The following KSR2 variants were observed in gnomAD, a reference collection of about 807,000 sequenced individuals.
KSR2 encodes kinase suppressor of ras 2.
KSR2 carries 25 observed loss-of-function variants against 107.8 expected under a neutral mutation model. The observed-to-expected ratio is 0.23, with a 90% confidence interval of 0.17 to 0.32. KSR2 has a LOEUF of 0.32. KSR2 is among the 10% of genes least tolerant of loss of function. The pLI is 1.00. For missense variants in KSR2, 887 were observed against 1,268.9 expected (o/e 0.70, Z 4.57); for synonymous variants, 480 against 507.0 (o/e 0.95, Z 0.71).
At chr12:117,474,448 G>C (rs1157363733) in intron 17 of KSR2, among the ~76,000 whole-genome samples, 2 of 151,880 alleles carry the variant, frequency 1.3e-5, no homozygotes, top group Non-Finnish European at 2.9e-5. Context: ...GGATGCGGTG[G>C]GGGCCCTTTT....
At chr12:117,929,921 T>C (rs1003780738) in intron 1 of KSR2, among the ~76,000 whole-genome samples, 5 of 152,214 alleles carry the variant, frequency 3.3e-5, no homozygotes, top group African/African-American at 1.2e-4. Flanking sequence ...TGAAAAACTT[T>C]TGGTGATGAT....
intron 1 of KSR2, among the ~76,000 whole-genome samples, chr12:117,926,770 G>T (rs1021670179): frequency 6.6e-6 from 1 of 152,186 alleles, no homozygotes; most frequent in African/African-American, 2.4e-5. Flanking sequence ...GGGTGGCCTT[G>T]CTAGACCGCC....
intron 4 of KSR2, among the ~76,000 whole-genome samples, chr12:117,708,404 C>T (rs1174082407): frequency 2.0e-5 from 3 of 152,112 alleles, no homozygotes; most frequent in Admixed American, 1.3e-4. Flanking sequence ...GGACCTGCCT[C>T]GGTTAATGAG....
At chr12:117,877,047 A>G (rs1385893341) in intron 1 of KSR2, among the ~76,000 whole-genome samples, 1 of 152,126 alleles carries the variant, frequency 6.6e-6, no homozygotes, top group African/African-American at 2.4e-5. Context: ...TATGTGTGGA[A>G]TTTTCCACTT....
intron 5 of KSR2, among the ~76,000 whole-genome samples, chr12:117,616,963 C>T (rs1474231803): frequency 6.6e-6 from 1 of 152,086 alleles, no homozygotes; most frequent in Non-Finnish European, 1.5e-5. Flanking sequence ...AGCTAGGAGC[C>T]CTGCATTAAC....
intron 5 of KSR2, among the ~76,000 whole-genome samples, chr12:117,602,013 GC>G (rs2136293268): frequency 6.6e-6 from 1 of 152,328 alleles, no homozygotes; most frequent in East Asian, 1.9e-4. Context: ...CATGCAAGCA[GC>G]CATAGGCGGT....
intron 4 of KSR2, among the ~76,000 whole-genome samples, chr12:117,705,438 A>G (rs1886485081): frequency 6.6e-6 from 1 of 152,140 alleles, no homozygotes; most frequent in South Asian, 2.1e-4. Context: ...GTTCAGAGAC[A>G]CCCTTTCCTC....
At chr12:117,672,966 G>C (rs980252103) in intron 4 of KSR2, among the ~76,000 whole-genome samples, 2 of 152,202 alleles carry the variant, frequency 1.3e-5, no homozygotes, top group African/African-American at 2.4e-5. Flanking sequence ...GGCCCTTAGT[G>C]AGTGAAGAGG....
At chr12:117,625,528 C>A (rs1032353748) in intron 5 of KSR2, among the ~76,000 whole-genome samples, 4 of 152,180 alleles carry the variant, frequency 2.6e-5, no homozygotes, top group African/African-American at 9.7e-5. Flanking sequence ...TATGTTGAAC[C>A]AGCCTCACAT....
chr12:117,673,146 A>G (rs548647775), intron 4 of KSR2, among the ~76,000 whole-genome samples: 2 of 152,328 alleles, frequency 1.3e-5, no homozygotes, highest in South Asian at 2.1e-4. Context: ...AATCTGTTTT[A>G]CCAACCATGG....
At chr12:117,471,441 T>C (rs1871452762) in intron 17 of KSR2, 121 bp from the exon 18 acceptor site, 3 of 1,069,816 alleles carry the variant, frequency 2.8e-6, no homozygotes, top group Non-Finnish European at 4.0e-6. Flanking sequence ...CCCCACTTTC[T>C]TCCTCATGGG....
intron 17 of KSR2, among the ~76,000 whole-genome samples, chr12:117,475,303 C>T (rs1169758693): frequency 6.6e-6 from 1 of 151,896 alleles, no homozygotes; most frequent in East Asian, 1.9e-4. Flanking sequence ...ATTGACCGTG[C>T]TTCCCTCTCT....
At chr12:117,601,267 G>C (rs1411109663) in intron 5 of KSR2, among the ~76,000 whole-genome samples, 2 of 141,218 alleles carry the variant, frequency 1.4e-5, no homozygotes, top group African/African-American at 2.8e-5. Context: ...TAAATTGTCT[G>C]TGCTTACTTG....
intron 3 of KSR2, among the ~76,000 whole-genome samples, chr12:117,839,634 A>G (rs1370912086): frequency 6.6e-6 from 1 of 152,244 alleles, no homozygotes; most frequent in Non-Finnish European, 1.5e-5. Flanking sequence ...CAAAGCAACT[A>G]CAAGATAACT....
intron 3 of KSR2, among the ~76,000 whole-genome samples, chr12:117,806,398 A>T (rs1891008018): frequency 2.6e-5 from 4 of 152,208 alleles, no homozygotes; most frequent in Admixed American, 2.6e-4. Flanking sequence ...TGCAACCAGG[A>T]GCGAGACTCA....
At chr12:117,837,688 G>A (rs1007550688) in intron 3 of KSR2, among the ~76,000 whole-genome samples, 1 of 152,126 alleles carries the variant, frequency 6.6e-6, no homozygotes, top group African/African-American at 2.4e-5. Context: ...CCTGGTATCC[G>A]GTTACAAAGC....
At chr12:117,635,744 A>G (rs1883036068) in intron 5 of KSR2, among the ~76,000 whole-genome samples, 1 of 152,176 alleles carries the variant, frequency 6.6e-6, no homozygotes, top group Non-Finnish European at 1.5e-5. Flanking sequence ...GTAACCTCTT[A>G]CATAACCACA....
At chr12:117,579,248 C>A (rs545617674) in intron 6 of KSR2, 46 bp from the exon 7 acceptor site, 17 of 1,342,828 alleles carry the variant, frequency 1.3e-5, no homozygotes, top group African/African-American at 2.9e-5. Flanking sequence ...GAAATGGCGA[C>A]TGACCTATCT....
intron 4 of KSR2, among the ~76,000 whole-genome samples, chr12:117,727,519 G>A (rs1887481677): frequency 1.3e-5 from 2 of 151,864 alleles, no homozygotes; most frequent in South Asian, 4.2e-4. Flanking sequence ...AGGAGAAGGA[G>A]GAGGAGGAAA....
Sources: gnomAD v4.1 joint callset for allele counts (sites outside exome capture counted in the v4.1 genomes callset) on GRCh38, gnomAD v4.1.1 for gene constraint, MANE v1.5 for transcripts, NCBI Gene and HGNC (gene_info 2026-07-23, HGNC 2026-07-21) for gene names.